The following ADGRB3 variants were observed in gnomAD, a reference collection of about 807,000 sequenced individuals.
ADGRB3 encodes the protein adhesion G protein-coupled receptor B3.
In ADGRB3, 37 loss-of-function variants were observed where a neutral mutation model predicts 193.4. That is an observed-to-expected ratio of 0.19 (90% CI 0.15 to 0.25). The LOEUF is 0.25. Among genes scored for constraint, ADGRB3 ranks in the 10% least tolerant of loss-of-function variants. The pLI is 1.00. For missense variants in ADGRB3, 1,637 were observed against 1,852.9 expected (o/e 0.88, Z 2.14); for synonymous variants, 690 against 644.2 (o/e 1.07, Z -1.08).
At chr6:68,991,908 G>T (rs1769249821) in intron 10 of ADGRB3, among the ~76,000 whole-genome samples, 1 of 152,110 alleles carries the variant, frequency 6.6e-6, no homozygotes, top group Non-Finnish European at 1.5e-5. Flanking sequence ...ATAATAAGCT[G>T]CAAAGTTGAA....
chr6:68,866,705 G>A (rs1765306066), intron 3 of ADGRB3, among the ~76,000 whole-genome samples: 1 of 152,200 alleles, frequency 6.6e-6, no homozygotes, highest in Non-Finnish European at 1.5e-5. Flanking sequence ...AGTCCAGACT[G>A]AGATAGTCTC....
intron 3 of ADGRB3, among the ~76,000 whole-genome samples, chr6:68,834,474 A>G (rs1177239634): frequency 6.6e-6 from 1 of 152,172 alleles, no homozygotes; most frequent in Non-Finnish European, 1.5e-5. Context: ...TAAAAAATCT[A>G]AAATATAAGT....
chr6:68,841,878 GGT>G (rs1385122202), intron 3 of ADGRB3, among the ~76,000 whole-genome samples: 1 of 151,752 alleles, frequency 6.6e-6, no homozygotes, highest in Non-Finnish European at 1.5e-5. Context: ...GGGTAGTGAG[GGT>G]GTGTGTGTGG....
At chr6:68,669,578 G>C (rs2127293465) in intron 3 of ADGRB3, among the ~76,000 whole-genome samples, 1 of 149,874 alleles carries the variant, frequency 6.7e-6, no homozygotes, top group Admixed American at 6.7e-5. Context: ...CAGGATCCCA[G>C]TTTTTTATGG....
intron 3 of ADGRB3, among the ~76,000 whole-genome samples, chr6:68,666,919 C>A (rs888457008): frequency 6.6e-6 from 1 of 151,468 alleles, no homozygotes; most frequent in Non-Finnish European, 1.5e-5. Context: ...AGTATCATAT[C>A]CAAATTAATG....
At chr6:69,043,411 CT>C (rs1392033526) in intron 13 of ADGRB3, among the ~76,000 whole-genome samples, 21 of 152,202 alleles carry the variant, frequency 1.4e-4, no homozygotes, top group African/African-American at 3.9e-4. Context: ...AGGAGAAGCT[CT>C]ATTTATTTTT....
At chr6:69,187,316 G>T (rs1389584354) in intron 17 of ADGRB3, among the ~76,000 whole-genome samples, 1 of 152,124 alleles carries the variant, frequency 6.6e-6, no homozygotes, top group East Asian at 1.9e-4. Flanking sequence ...TTCCGGGCCA[G>T]ACATAAGAAT....
At chr6:68,960,086 C>T (rs914360157) in intron 8 of ADGRB3, among the ~76,000 whole-genome samples, 2 of 152,148 alleles carry the variant, frequency 1.3e-5, no homozygotes, top group Non-Finnish European at 2.9e-5. Context: ...TTCGTAGGAA[C>T]CACTTTGCCC....
intron 3 of ADGRB3, among the ~76,000 whole-genome samples, chr6:68,835,244 T>A (rs1768024065): frequency 6.6e-6 from 1 of 152,150 alleles, no homozygotes; most frequent in Non-Finnish European, 1.5e-5. Flanking sequence ...TTGCTGAACC[T>A]CACAGAGGGT....
At chr6:69,125,602 G>T (rs111771113) in intron 17 of ADGRB3, among the ~76,000 whole-genome samples, 12 of 152,198 alleles carry the variant, frequency 7.9e-5, no homozygotes, top group African/African-American at 2.9e-4. Context: ...CCTTGATCTT[G>T]AACTTCCCAG....
intron 8 of ADGRB3, among the ~76,000 whole-genome samples, chr6:68,957,830 AAC>A (rs895439614): frequency 6.6e-6 from 1 of 152,194 alleles, no homozygotes; most frequent in African/African-American, 2.4e-5. Context: ...CTCACAGTAC[AAC>A]ACTAAGAATA....
Position 69,186,995 on chromosome 6 carries a change from G to T in ADGRB3, c.2481-46295G>T, listed in dbSNP as rs546382311. Among the ~76,000 whole-genome samples, 12 of 150,560 alleles carry T rather than the reference G, an allele frequency of 8.0e-5. No homozygotes were observed. The South Asian group carries it at 1.9e-3, about 24-fold the overall frequency. Reference sequence around the variant, plus strand: ...GCTGAATTGTTTCTTCAATGTATAGGTTCAGCTATTACACAACAATAATTG... The same window carrying T: ...GCTGAATTGTTTCTTCAATGTATAGTTTCAGCTATTACACAACAATAATTG... On this transcript the variant is annotated intron_variant, in intron 17 of 31. Coordinates refer to ENST00000370598, the MANE Select transcript of ADGRB3 (RefSeq NM_001704.3).
intron 3 of ADGRB3, among the ~76,000 whole-genome samples, chr6:68,655,315 G>A (rs1280345915): frequency 2.0e-5 from 3 of 151,314 alleles, no homozygotes; most frequent in African/African-American, 2.4e-5. Flanking sequence ...TTTTTTTGTT[G>A]TTTCTGTTTT....
chr6:69,243,371 T>C (rs1298260028), intron 20 of ADGRB3, among the ~76,000 whole-genome samples: 1 of 151,938 alleles, frequency 6.6e-6, no homozygotes, highest in Non-Finnish European at 1.5e-5. Context: ...GTATGTAACA[T>C]TCAGTGAGGT....
intron 3 of ADGRB3, among the ~76,000 whole-genome samples, chr6:68,653,992 G>A (rs919515745): frequency 5.3e-5 from 8 of 151,638 alleles, no homozygotes; most frequent in East Asian, 1.9e-4. Flanking sequence ...TCTATAGGTT[G>A]GACATTGAAA....
At chr6:69,196,499 T>C (rs1447282782) in intron 17 of ADGRB3, among the ~76,000 whole-genome samples, 3 of 152,140 alleles carry the variant, frequency 2.0e-5, no homozygotes, top group Non-Finnish European at 4.4e-5. Flanking sequence ...GCTGCCTTCT[T>C]ACTTTATCTT....
intron 17 of ADGRB3, among the ~76,000 whole-genome samples, chr6:69,220,140 G>A (rs2127248847): frequency 6.6e-6 from 1 of 151,628 alleles, no homozygotes; most frequent in East Asian, 1.9e-4. Context: ...GTTTTTTTCT[G>A]TCCATTAGAC....
At chr6:68,688,913 G>C (rs1355098697) in intron 3 of ADGRB3, among the ~76,000 whole-genome samples, 1 of 152,030 alleles carries the variant, frequency 6.6e-6, no homozygotes, top group Non-Finnish European at 1.5e-5. Flanking sequence ...ATTCCCCATT[G>C]TCCTAATCAT....
intron 8 of ADGRB3, among the ~76,000 whole-genome samples, chr6:68,962,631 A>G (rs1164275256): frequency 6.6e-6 from 1 of 152,028 alleles, no homozygotes; most frequent in African/African-American, 2.4e-5. Context: ...ACCTTTTACT[A>G]TTTTTTTATT....
Sources: gnomAD v4.1 joint callset for allele counts (sites outside exome capture counted in the v4.1 genomes callset) on GRCh38, gnomAD v4.1.1 for gene constraint, MANE v1.5 for transcripts, NCBI Gene and HGNC (gene_info 2026-07-23, HGNC 2026-07-21) for gene names.